The following STK32A variants were observed in gnomAD, a reference collection of about 807,000 sequenced individuals.
The protein encoded by STK32A is serine/threonine-protein kinase 32A.
In STK32A, 41 loss-of-function variants were observed where a neutral mutation model predicts 53.2. The ratio of observed to expected loss-of-function variants is 0.77; its 90% CI spans 0.60 to 1.00. STK32A has a LOEUF of 1.00. Ranked by LOEUF, STK32A falls within the 50% of genes least tolerant of loss-of-function variation. The probability of loss-of-function intolerance (pLI) is 0.00; values close to 1 mark genes in which losing one functional copy is unlikely to be tolerated. For missense variants in STK32A, 458 were observed against 485.8 expected (o/e 0.94, Z 0.54); for synonymous variants, 166 against 162.8 (o/e 1.02, Z -0.15).
intron 11 of STK32A, among the ~76,000 whole-genome samples, chr5:147,381,759 T>C (rs1241693879): frequency 6.6e-6 from 1 of 152,194 alleles, no homozygotes; most frequent in Non-Finnish European, 1.5e-5. Context: ...CTTTCAGCTA[T>C]GATTTCTTTA....
intron 1 of STK32A, among the ~76,000 whole-genome samples, chr5:147,237,790 A>G (rs902418948): frequency 1.3e-5 from 2 of 152,146 alleles, no homozygotes; most frequent in African/African-American, 4.8e-5. Context: ...CTGCCTTCCA[A>G]ATGAAGGGTT....
chr5:147,312,049 T>C (rs1207281786), intron 4 of STK32A, among the ~76,000 whole-genome samples: 2 of 152,142 alleles, frequency 1.3e-5, no homozygotes, highest in Non-Finnish European at 1.5e-5. Flanking sequence ...TCTTTAAGTC[T>C]TCCAAGACTT....
rs111758121 is a variant in STK32A at position 147,325,737 on chromosome 5, C to T, written c.434+1666C>T. Among the ~76,000 whole-genome samples the T allele has an allele frequency of 4.2e-3, 632 of 152,160 alleles. 5 individuals are homozygous for T. Among genetic ancestry groups the T allele is most frequent in the Middle Eastern group, 0.014 (4 of 292 alleles). On this transcript the variant is annotated intron_variant, in intron 5 of 12. Coordinates refer to ENST00000397936, the MANE Select transcript of STK32A (RefSeq NM_001112724.2). The stretch of plus-strand genomic sequence containing the variant: ...GTGTTTTTTTCAATAACTAGAAATC[C>T]TGTTCTCAAGCACTCATCTTCCCAT...
At chr5:147,269,390 A>C (rs1299612136) in intron 2 of STK32A, among the ~76,000 whole-genome samples, 1 of 152,148 alleles carries the variant, frequency 6.6e-6, no homozygotes, top group Non-Finnish European at 1.5e-5. Flanking sequence ...TCAGTGAGCA[A>C]TGTCTTGGAA....
At chr5:147,246,731 G>C (rs1753782649) in intron 2 of STK32A, among the ~76,000 whole-genome samples, 1 of 152,122 alleles carries the variant, frequency 6.6e-6, no homozygotes, top group Non-Finnish European at 1.5e-5. Flanking sequence ...ATGAAAAAAT[G>C]TAATTTTCTT....
intron 8 of STK32A, among the ~76,000 whole-genome samples, chr5:147,369,977 C>A (rs1756935955): frequency 6.6e-6 from 1 of 152,138 alleles, no homozygotes. Context: ...AAAACTACAG[C>A]TAATCCACAG....
chr5:147,346,290 T>G (rs1755682407), intron 6 of STK32A, among the ~76,000 whole-genome samples: 1 of 152,322 alleles, frequency 6.6e-6, no homozygotes, highest in Admixed American at 6.5e-5. Context: ...TCATCCCTGA[T>G]GGGCTGTCGC....
chr5:147,353,190 A>G (rs368454595), intron 7 of STK32A, among the ~76,000 whole-genome samples: 6 of 152,328 alleles, frequency 3.9e-5, no homozygotes, highest in Middle Eastern at 6.8e-3. Flanking sequence ...AGGAAAAGAT[A>G]GAAGGACGTG....
chr5:147,279,704 T>C (rs949037367), intron 4 of STK32A, among the ~76,000 whole-genome samples: 2 of 152,206 alleles, frequency 1.3e-5, no homozygotes, highest in South Asian at 4.1e-4. Context: ...TGATGATTCC[T>C]GAAAAAAGAT....
chr5:147,273,660 T>G (rs566915885), intron 2 of STK32A, among the ~76,000 whole-genome samples: 33 of 152,230 alleles, frequency 2.2e-4, no homozygotes, highest in African/African-American at 8.0e-4. Context: ...CTAGATGCAG[T>G]TAATGAGCCT....
At chr5:147,330,448 C>G (rs1282217482) in intron 5 of STK32A, among the ~76,000 whole-genome samples, 2 of 152,168 alleles carry the variant, frequency 1.3e-5, no homozygotes, top group Non-Finnish European at 2.9e-5. Context: ...AACCATGGAA[C>G]CAGCCCATGC....
chr5:147,276,596 A>G (rs1755270802), intron 2 of STK32A, among the ~76,000 whole-genome samples: 1 of 152,168 alleles, frequency 6.6e-6, no homozygotes, highest in African/African-American at 2.4e-5. Context: ...TGAGAACTGC[A>G]AAGAGTTATG....
intron 5 of STK32A, among the ~76,000 whole-genome samples, chr5:147,340,493 T>C (rs1755352576): frequency 6.6e-6 from 1 of 152,204 alleles, no homozygotes. Flanking sequence ...AATTTAGAAC[T>C]AGAAAATCTC....
At chr5:147,263,170 C>T (rs62377683) in intron 2 of STK32A, among the ~76,000 whole-genome samples, 19,867 of 152,158 alleles carry the variant, frequency 0.13, 1,423 homozygotes, top group Admixed American at 0.16. Flanking sequence ...TCTGATAATA[C>T]TGGCAGCCAA....
intron 5 of STK32A, among the ~76,000 whole-genome samples, chr5:147,324,331 C>T (rs7716666): frequency 0.091 from 13,784 of 151,412 alleles, 1,357 homozygotes; most frequent in African/African-American, 0.24. Context: ...TAAGCTTAGA[C>T]AAAAAGGAGA....
At chr5:147,245,377 G>A (rs922191319) in intron 2 of STK32A, among the ~76,000 whole-genome samples, 3 of 152,220 alleles carry the variant, frequency 2.0e-5, no homozygotes, top group African/African-American at 2.4e-5. Context: ...AAGAATAGAC[G>A]TGCAAGTAAC....
intron 8 of STK32A, among the ~76,000 whole-genome samples, chr5:147,365,716 A>G (rs80261281): frequency 0.037 from 5,669 of 152,038 alleles, 367 homozygotes; most frequent in African/African-American, 0.13. Context: ...GTTCAGAGCA[A>G]TTGTGCTCTG....
downstream of STK32A, among the ~76,000 whole-genome samples, chr5:147,390,474 A>T (rs1237365690): frequency 7.5e-6 from 1 of 132,782 alleles, no homozygotes; most frequent in Non-Finnish European, 1.5e-5. Flanking sequence ...TTTAGGGGAA[A>T]GACCAAAAAA....
At chr5:147,257,225 A>G (rs1029054616) in intron 2 of STK32A, among the ~76,000 whole-genome samples, 1 of 151,274 alleles carries the variant, frequency 6.6e-6, no homozygotes, top group South Asian at 2.1e-4. Context: ...TGGACCAACT[A>G]CAGCATAAAA....
Sources: allele counts gnomAD v4.1 joint callset (sites outside exome capture counted in the v4.1 genomes callset), GRCh38; gene constraint gnomAD v4.1.1; transcripts MANE v1.5; gene names NCBI Gene and HGNC (gene_info 2026-07-23, HGNC 2026-07-21).